ERC1: variants seen among roughly 807,000 people sequenced by gnomAD.
ERC1 encodes ELKS/RAB6-interacting/CAST family member 1.
In ERC1, 56 loss-of-function variants were observed where a neutral mutation model predicts 132.0. The ratio of observed to expected loss-of-function variants is 0.42; its 90% CI spans 0.34 to 0.53. The LOEUF is 0.53. Ranked by LOEUF, ERC1 falls within the 20% of genes least tolerant of loss-of-function variation. The pLI is 0.03. For missense variants in ERC1, 1,202 were observed against 1,349.9 expected, an observed-to-expected ratio of 0.89 and a Z score of 1.72; for synonymous variants, 478 against 476.1, an observed-to-expected ratio of 1.00 and a Z score of -0.05.
At chr12:1,468,045 C>T (rs890876261) in intron 18 of ERC1, among the ~76,000 whole-genome samples, 4 of 152,286 alleles carry the variant, frequency 2.6e-5, no homozygotes, top group South Asian at 2.1e-4. Context: ...GACCAGTACA[C>T]GGACCCAGTA....
chr12:1,007,508 CTGGGTAAT>C (rs1963891190), intron 1 of ERC1, among the ~76,000 whole-genome samples: 1 of 140,588 alleles, frequency 7.1e-6, no homozygotes, highest in Non-Finnish European at 1.5e-5. Flanking sequence ...CTCTCTCTCA[CTGGGTAAT>C]TCTCTCTCTC....
At chr12:1,154,229 GTATA>G (rs1377106558) in intron 8 of ERC1, among the ~76,000 whole-genome samples, 1 of 75,620 alleles carries the variant, frequency 1.3e-5, no homozygotes, top group African/African-American at 7.4e-5. Context: ...ATATGTATAT[GTATA>G]TGTATATGTA....
chr12:1,385,455 T>C (rs1417394222), intron 16 of ERC1, among the ~76,000 whole-genome samples: 1 of 152,070 alleles, frequency 6.6e-6, no homozygotes, highest in African/African-American at 2.4e-5. Context: ...GCTAATTTTC[T>C]TGTATTTTTA....
chr12:1,114,699 G>A (rs1195070416), intron 6 of ERC1, among the ~76,000 whole-genome samples: 1 of 152,144 alleles, frequency 6.6e-6, no homozygotes, highest in Non-Finnish European at 1.5e-5. Flanking sequence ...GATGAATATA[G>A]CCACCGTTTA....
intron 16 of ERC1, chr12:1,391,281 T>G (rs935606519): frequency 2.0e-5 from 3 of 152,230 alleles, no homozygotes; most frequent in African/African-American, 7.2e-5. Flanking sequence ...GAAGTCCAGT[T>G]TCTCCCACTT....
At chr12:1,142,287 T>C (rs993109079) in intron 8 of ERC1, among the ~76,000 whole-genome samples, 1 of 152,204 alleles carries the variant, frequency 6.6e-6, no homozygotes, top group African/African-American at 2.4e-5. Flanking sequence ...TTTCCCCTTT[T>C]TTCAGTTAAT....
At chr12:1,426,722 C>CA (rs2092653590) in intron 17 of ERC1, among the ~76,000 whole-genome samples, 1 of 152,124 alleles carries the variant, frequency 6.6e-6, no homozygotes, top group African/African-American at 2.4e-5. Context: ...TCAACATTAT[C>CA]ATATCACTGG....
Position 1,329,364 on chromosome 12 carries a change from CTAA to C in ERC1, c.2780+39357_2780+39359del, listed in dbSNP as rs147834182. The stretch of plus-strand genomic sequence containing the variant: ...TCTAAATTTTTCAATATAGATTCAT[CTAA>C]TAATCTCAAAATAATTTTATAATAG... On this transcript the variant is annotated intron_variant, in intron 15 of 18. Coordinates refer to ENST00000360905, the MANE Select transcript of ERC1 (RefSeq NM_178040.4). Among the ~76,000 whole-genome samples the C allele has an allele frequency of 8.7e-3, 1,048 of 120,196 alleles. 123 individuals are homozygous for C. Among genetic ancestry groups the C allele is most frequent in the African/African-American group, 0.034 (997 of 29,250 alleles). The allele number at this position is 120,196 out of a possible 152,430, so 78.9% of individuals were successfully genotyped here.
intron 15 of ERC1, among the ~76,000 whole-genome samples, chr12:1,332,316 T>A (rs548069784): frequency 3.3e-4 from 50 of 152,370 alleles, no homozygotes; most frequent in Middle Eastern, 3.4e-3. Flanking sequence ...GGATTTCTCT[T>A]AAGAAATTGA....
intron 1 of ERC1, among the ~76,000 whole-genome samples, chr12:996,424 A>G (rs1234858310): frequency 6.6e-6 from 1 of 151,612 alleles, no homozygotes; most frequent in Non-Finnish European, 1.5e-5. Flanking sequence ...TAGATTTTTA[A>G]GAAATATTTC....
At chr12:1,145,805 C>T (rs1486015311) in intron 8 of ERC1, among the ~76,000 whole-genome samples, 1 of 152,136 alleles carries the variant, frequency 6.6e-6, no homozygotes, top group African/African-American at 2.4e-5. Flanking sequence ...GCCAGTTATC[C>T]CAGCACCATT....
chr12:1,396,920 CAAA>C (rs1192096649), intron 16 of ERC1, among the ~76,000 whole-genome samples: 2 of 152,050 alleles, frequency 1.3e-5, no homozygotes, highest in Non-Finnish European at 2.9e-5. Flanking sequence ...TGACAGATGA[CAAA>C]GAAGCTTTTC....
At chr12:1,215,462 C>G (rs1226579752) in intron 12 of ERC1, among the ~76,000 whole-genome samples, 1 of 152,076 alleles carries the variant, frequency 6.6e-6, no homozygotes, top group African/African-American at 2.4e-5. Flanking sequence ...TGCACTATGT[C>G]TTTTGGTTTG....
At position 1,492,462 on chromosome 12, in the gene ERC1, G is replaced by A; in HGVS notation, c.*2232G>A. 1 of 233,224 alleles carries A rather than the reference G, an allele frequency of 4.3e-6. No homozygotes were observed. Among genetic ancestry groups the A allele is most frequent in the Non-Finnish European group, 8.5e-6 (1 of 118,026 alleles). 14.4% of individuals were successfully genotyped at this position (233,224 alleles called of 1,614,324 possible). On this transcript the variant is annotated 3_prime_UTR_variant, in exon 19 of 19. Coordinates refer to ENST00000360905, the MANE Select transcript of ERC1 (RefSeq NM_178040.4). ...AACAAGTGGTCTGGCACGGGCACTG[G>A]CCAGCTGCTCTCTCCAAGCAGGTGG...
chr12:1,061,108 C>G (rs920964395), intron 2 of ERC1, among the ~76,000 whole-genome samples: 1 of 152,126 alleles, frequency 6.6e-6, no homozygotes, highest in Admixed American at 6.6e-5. Flanking sequence ...CTGGTCCGAT[C>G]TTGGCAAGTT....
At chr12:1,025,887 C>T (rs919885470) in intron 1 of ERC1, among the ~76,000 whole-genome samples, 8 of 151,336 alleles carry the variant, frequency 5.3e-5, no homozygotes, top group East Asian at 3.9e-4. Context: ...CAATGTCTGC[C>T]GCCTGGGTTC....
chr12:1,481,810 G>A (rs2094097994), intron 18 of ERC1, among the ~76,000 whole-genome samples: 1 of 151,714 alleles, frequency 6.6e-6, no homozygotes, highest in Non-Finnish European at 1.5e-5. Flanking sequence ...ACCATTTCTT[G>A]TTATACTTCC....
rs144944587 is a variant in ERC1, at chr12:1,091,704, G to A, written c.1086+8124G>A. Among the ~76,000 whole-genome samples the A allele has an allele frequency of 1.9e-4, 29 of 152,260 alleles. 1 individual carries two copies. Among genetic ancestry groups the A allele is most frequent in the African/African-American group, 5.5e-4 (23 of 41,556 alleles). On this transcript the variant is annotated intron_variant, in intron 3 of 18. Transcript: ENST00000360905. ...AAATGGGAGAGAAAACCATTCCACC[G>A]TTGAATCAAGGGAGTGACACAATCT...
Position 1,335,382 on chromosome 12 carries a change from T to A in ERC1, c.2781-36451T>A, listed in dbSNP as rs575200915. Among the ~76,000 whole-genome samples the A allele has an allele frequency of 2.0e-5, 3 of 152,336 alleles. No individual in the cohort carries two copies. In the South Asian group the frequency reaches 6.2e-4, roughly 32 times the overall value. ...CTGTGGATTTGTCATAGGTGGCTCT[T>A]ATTATTTTGAGGTATGTTCCTTCAA... On this transcript the variant is annotated intron_variant, in intron 15 of 18. Coordinates refer to ENST00000360905, the MANE Select transcript of ERC1 (RefSeq NM_178040.4).
Sources: gnomAD v4.1 joint callset for allele counts (sites outside exome capture counted in the v4.1 genomes callset) on GRCh38, gnomAD v4.1.1 for gene constraint, MANE v1.5 for transcripts, NCBI Gene and HGNC (gene_info 2026-07-23, HGNC 2026-07-21) for gene names.